The following CKAP5 variants were observed in gnomAD, a reference collection of about 807,000 sequenced individuals.
CKAP5 encodes the protein cytoskeleton-associated protein 5.
Under a neutral mutation model 232.8 loss-of-function variants are expected in CKAP5, and 27 were observed. That is an observed-to-expected ratio of 0.12 (90% CI 0.09 to 0.16). The LOEUF is 0.16. Ranked by LOEUF, CKAP5 falls within the 10% of genes least tolerant of loss-of-function variation. CKAP5 has a pLI of 1.00. For missense variants in CKAP5, 1,838 were observed against 2,424.7 expected, an observed-to-expected ratio of 0.76 and a Z score of 5.08; for synonymous variants, 785 against 841.1, an observed-to-expected ratio of 0.93 and a Z score of 1.16.
At chr11:46,757,291 A>G (rs57871675) in intron 35 of CKAP5, among the ~76,000 whole-genome samples, 1 of 150,912 alleles carries the variant, frequency 6.6e-6, no homozygotes, top group Non-Finnish European at 1.5e-5. Flanking sequence ...TTGGGAGTTC[A>G]AGACCAGCCT....
chr11:46,752,543 T>C, intron 38 of CKAP5, 92 bp downstream of exon 38: 1 of 911,188 alleles, frequency 1.1e-6, no homozygotes, highest in Non-Finnish European at 1.7e-6. Context: ...TTTGAGCCTA[T>C]GTCTTTCTTA....
rs758602034 is a variant in CKAP5 at position 46,759,032 on chromosome 11, A to G, written c.4580T>C (p.Val1527Ala). The G allele has an allele frequency of 3.7e-6, 6 of 1,613,246 alleles. No homozygotes were observed. The South Asian group carries it at 6.6e-5, about 18-fold the overall frequency. Residue 1527 changes from valine (V) to alanine (A), a missense_variant, in exon 35 of 44, where the codon GTT (valine) becomes GCT (alanine). Val to Ala is a moderately conservative substitution (Grantham distance 64). Coordinates refer to ENST00000529230, the MANE Select transcript of CKAP5 (RefSeq NM_001008938.4). ...GTGCATGTCATCGAAGTGTGGAGAA[A>G]CAGCCCGGATCCTAGATAGCAGAAC... Reference protein sequence around the residue: ...VLIPEPKIRAVSPHFDDMHSN... With the variant: ...VLIPEPKIRAASPHFDDMHSN...
chr11:46,841,721 C>T (rs530332518), intron 1 of CKAP5, among the ~76,000 whole-genome samples: 86 of 152,262 alleles, frequency 5.6e-4, no homozygotes, highest in African/African-American at 2.0e-3. Flanking sequence ...GATATGCTGG[C>T]TCGGCACGGT....
At chr11:46,794,241 G>A (rs1205397568) in intron 13 of CKAP5, among the ~76,000 whole-genome samples, 1 of 152,184 alleles carries the variant, frequency 6.6e-6, no homozygotes, top group Non-Finnish European at 1.5e-5. Context: ...AGGATTCATT[G>A]AGCCTAGGAG....
intron 13 of CKAP5, among the ~76,000 whole-genome samples, chr11:46,790,940 T>C (rs955632676): frequency 1.3e-5 from 2 of 152,196 alleles, no homozygotes; most frequent in Admixed American, 6.5e-5. Context: ...CATGTATCAC[T>C]GAACCCGGCC....
chr11:46,828,265 G>A (rs1939699707), intron 1 of CKAP5, among the ~76,000 whole-genome samples: 1 of 151,352 alleles, frequency 6.6e-6, no homozygotes, highest in African/African-American at 2.4e-5. Flanking sequence ...TGGGGGCGGG[G>A]TAGATAAATA....
chr11:46,776,613 A>G (rs2065293141), intron 23 of CKAP5, among the ~76,000 whole-genome samples: 1 of 152,224 alleles, frequency 6.6e-6, no homozygotes, highest in Non-Finnish European at 1.5e-5. Flanking sequence ...TCAGTTAATC[A>G]GGCAAAACAG....
intron 1 of CKAP5, among the ~76,000 whole-genome samples, chr11:46,825,159 G>C (rs1939623953): frequency 6.6e-6 from 1 of 152,246 alleles, no homozygotes; most frequent in Non-Finnish European, 1.5e-5. Flanking sequence ...ATGTTTTCAA[G>C]GTTATACATG....
At chr11:46,829,834 TTGTATGTGTG>T (rs756528336) in intron 1 of CKAP5, among the ~76,000 whole-genome samples, 43 of 110,732 alleles carry the variant, frequency 3.9e-4, no homozygotes, top group Middle Eastern at 8.3e-3. Flanking sequence ...AATTCCTTTT[TTGTATGTGTG>T]TGTGTGTGTG....
chr11:46,836,404 G>A (rs1939919331), intron 1 of CKAP5, among the ~76,000 whole-genome samples: 1 of 152,094 alleles, frequency 6.6e-6, no homozygotes, highest in South Asian at 2.1e-4. Flanking sequence ...TCGTGAAAAC[G>A]AATAATTTTA....
At chr11:46,827,505 T>G (rs1370650826) in intron 1 of CKAP5, among the ~76,000 whole-genome samples, 4 of 152,064 alleles carry the variant, frequency 2.6e-5, no homozygotes, top group Non-Finnish European at 5.9e-5. Flanking sequence ...GGTACAAGAC[T>G]AGTCCCAGCT....
intron 26 of CKAP5, 83 bp from the exon 27 acceptor site, chr11:46,767,746 A>G (rs2134600980): frequency 1.2e-6 from 1 of 827,682 alleles, no homozygotes; most frequent in East Asian, 2.8e-5. Flanking sequence ...TAATGATGAC[A>G]AGGAAGCTTG....
At chr11:46,795,812 C>A (rs747022628) in intron 12 of CKAP5, 36 bp from the exon 13 acceptor site, 14 of 1,555,916 alleles carry the variant, frequency 9.0e-6, no homozygotes, top group Non-Finnish European at 1.1e-5. Context: ...TCATTAAGCC[C>A]AACTTTGAAA....
rs2134586580 is a variant in CKAP5, at chr11:46,759,509, T to G, written c.4395-67A>C. The G allele has an allele frequency of 2.0e-6, 3 of 1,470,056 alleles. No homozygotes were observed. In the East Asian group the frequency reaches 6.8e-5, roughly 33 times the overall value. 91.1% of individuals were successfully genotyped at this position (1,470,056 alleles called of 1,614,324 possible). ...CTTAACCAAAGGGCAAGAGTAGCACTGTCAGTTGCCCCAAAGCTTCAGGAC... is the reference window on the plus strand; with the variant it reads ...CTTAACCAAAGGGCAAGAGTAGCACGGTCAGTTGCCCCAAAGCTTCAGGAC... On this transcript the variant is annotated intron_variant, in intron 33 of 43. Transcript: ENST00000529230.
chr11:46,801,178 T>A, intron 9 of CKAP5, 22 bp downstream of exon 9: 1 of 1,545,474 alleles, frequency 6.5e-7, no homozygotes. Context: ...TTGATCTGTA[T>A]CTAAAAAGGA....
At chr11:46,801,833 C>T (rs1411408551) in intron 8 of CKAP5, among the ~76,000 whole-genome samples, 1 of 152,044 alleles carries the variant, frequency 6.6e-6, no homozygotes, top group Non-Finnish European at 1.5e-5. Flanking sequence ...TAGATAAAAC[C>T]ACAACATCAA....
intron 1 of CKAP5, among the ~76,000 whole-genome samples, chr11:46,838,511 G>A (rs768823724): frequency 1.6e-4 from 24 of 150,356 alleles, no homozygotes; most frequent in Admixed American, 6.7e-4. Context: ...GGTGGCTCAC[G>A]CCTGTAATCC....
In CKAP5 at chr11:46,804,228, A is replaced by T. The variant is rs61473360; in HGVS notation, c.979-2924T>A. ...AAATTTCAAGATTGCAAAGGCTCAA[A>T]TAAACTTATAAGTGAGCAATGGACC... On this transcript the variant is annotated intron_variant, in intron 8 of 43. Coordinates refer to ENST00000529230, the MANE Select transcript of CKAP5 (RefSeq NM_001008938.4). Among the ~76,000 whole-genome samples the T allele has an allele frequency of 5.3e-3, 809 of 152,358 alleles. 7 individuals carry two copies. The highest frequency in any genetic ancestry group is 0.018 in the African/African-American group (769 of 41,586).
chr11:46,792,171 A>C (rs1938743806), intron 13 of CKAP5, among the ~76,000 whole-genome samples: 1 of 151,498 alleles, frequency 6.6e-6, no homozygotes, highest in South Asian at 2.1e-4. Context: ...CTGTAATAGC[A>C]TTCTCTATAT....
Sources: gnomAD v4.1 joint callset for allele counts (sites outside exome capture counted in the v4.1 genomes callset) on GRCh38, gnomAD v4.1.1 for gene constraint, MANE v1.5 for transcripts, NCBI Gene and HGNC (gene_info 2026-07-23, HGNC 2026-07-21) for gene names.